DSCAML1: variants seen among roughly 807,000 people sequenced by gnomAD.
DSCAML1 encodes the protein cell adhesion molecule DSCAML1.
In DSCAML1, 38 loss-of-function variants were observed where a neutral mutation model predicts 200.5. The ratio of observed to expected loss-of-function variants is 0.19; its 90% confidence interval spans 0.15 to 0.25. DSCAML1 has a LOEUF of 0.25. Ranked by LOEUF, DSCAML1 falls within the 10% of genes least tolerant of loss-of-function variation. The probability of loss-of-function intolerance (pLI) is 1.00; values close to 1 mark genes in which losing one functional copy is unlikely to be tolerated. For missense variants in DSCAML1, 2,223 were observed against 2,858.8 expected, an observed-to-expected ratio of 0.78 and a Z score of 5.07; for synonymous variants, 1,215 against 1,165.0, an observed-to-expected ratio of 1.04 and a Z score of -0.87.
intron 3 of DSCAML1, among the ~76,000 whole-genome samples, chr11:117,692,682 A>C (rs1160092059): frequency 1.3e-5 from 2 of 152,150 alleles, no homozygotes; most frequent in East Asian, 3.9e-4. Flanking sequence ...CACCTCAATC[A>C]ATCTTTTCCC....
chr11:117,596,845 C>A (rs4938415), intron 3 of DSCAML1, among the ~76,000 whole-genome samples: 65,287 of 152,056 alleles, frequency 0.43, 16,109 homozygotes, highest in African/African-American at 0.68. Context: ...AAACCTGGAC[C>A]CCCAGTCTCT....
intron 1 of DSCAML1, among the ~76,000 whole-genome samples, chr11:117,804,265 T>G (rs568033152): frequency 6.6e-6 from 1 of 152,340 alleles, no homozygotes; most frequent in Non-Finnish European, 1.5e-5. Flanking sequence ...GAGGGGGCAG[T>G]GCCTTAGAGC....
At chr11:117,441,725 T>G (rs2048053605) in intron 21 of DSCAML1, among the ~76,000 whole-genome samples, 3 of 150,500 alleles carry the variant, frequency 2.0e-5, no homozygotes, top group African/African-American at 4.9e-5. Context: ...GGCGTGGGGG[T>G]GGGCTCCTGT....
intron 3 of DSCAML1, among the ~76,000 whole-genome samples, chr11:117,667,775 CT>C (rs954276409): frequency 6.6e-6 from 1 of 152,198 alleles, no homozygotes; most frequent in African/African-American, 2.4e-5. Context: ...TGGCAGCATC[CT>C]TACTCCCAAG....
chr11:117,530,652 C>G (rs983700818), intron 4 of DSCAML1, among the ~76,000 whole-genome samples: 1 of 152,150 alleles, frequency 6.6e-6, no homozygotes, highest in Admixed American at 6.5e-5. Context: ...CCTCCCAGCT[C>G]CTGATCTCCT....
chr11:117,612,318 C>A (rs1057204868), intron 3 of DSCAML1, among the ~76,000 whole-genome samples: 2 of 152,176 alleles, frequency 1.3e-5, no homozygotes, highest in Non-Finnish European at 2.9e-5. Flanking sequence ...ACGCCGGAAC[C>A]CAGGCAACAT....
chr11:117,678,165 C>T (rs1381496645), intron 3 of DSCAML1, among the ~76,000 whole-genome samples: 6 of 152,196 alleles, frequency 3.9e-5, no homozygotes, highest in Non-Finnish European at 8.8e-5. Flanking sequence ...GACCCTTTCA[C>T]CCTCTTCCTC....
chr11:117,558,997 A>G (rs986633607), intron 3 of DSCAML1, among the ~76,000 whole-genome samples: 5 of 152,088 alleles, frequency 3.3e-5, no homozygotes, highest in African/African-American at 1.2e-4. Flanking sequence ...TCTCTTTCCA[A>G]CTTTTGGCTT....
intron 11 of DSCAML1, among the ~76,000 whole-genome samples, chr11:117,484,892 TGTGTG>T (rs2049009198): frequency 7.3e-5 from 2 of 27,274 alleles, no homozygotes; most frequent in Non-Finnish European, 6.4e-5. Flanking sequence ...GAACAGTGTG[TGTGTG>T]TGTGTGTGTG....
chr11:117,597,911 GAAAAAAAGA>G (rs913653106), intron 3 of DSCAML1, among the ~76,000 whole-genome samples: 1 of 91,240 alleles, frequency 1.1e-5, no homozygotes, highest in African/African-American at 5.8e-5. Flanking sequence ...TTTACTTAAA[GAAAAAAAGA>G]AAAAAAAAAG....
At chr11:117,737,560 C>T (rs2054340764) in intron 3 of DSCAML1, among the ~76,000 whole-genome samples, 1 of 152,186 alleles carries the variant, frequency 6.6e-6, no homozygotes, top group Non-Finnish European at 1.5e-5. Flanking sequence ...CATGCTGCCC[C>T]AGGTGGCCAT....
chr11:117,566,667 T>C (rs2050763153), intron 3 of DSCAML1, among the ~76,000 whole-genome samples: 2 of 151,536 alleles, frequency 1.3e-5, no homozygotes, highest in Non-Finnish European at 2.9e-5. Context: ...CATGCTGGTG[T>C]GCTGCACCCA....
intron 3 of DSCAML1, among the ~76,000 whole-genome samples, chr11:117,715,458 T>C (rs1371198059): frequency 1.3e-5 from 2 of 152,212 alleles, no homozygotes; most frequent in East Asian, 3.8e-4. Flanking sequence ...CATTCTCTTT[T>C]ACAACAGAAA....
At chr11:117,499,760 G>A (rs2049360427) in intron 11 of DSCAML1, among the ~76,000 whole-genome samples, 1 of 152,176 alleles carries the variant, frequency 6.6e-6, no homozygotes, top group Admixed American at 6.5e-5. Flanking sequence ...GGAGGAGTGG[G>A]GACCACTTGG....
intron 3 of DSCAML1, among the ~76,000 whole-genome samples, chr11:117,723,322 T>C (rs10750109): frequency 0.98 from 149,332 of 152,314 alleles, 73,286 homozygotes; most frequent in Middle Eastern, 1. Context: ...AGATATGTTC[T>C]TCCAGTTTTG....
intron 11 of DSCAML1, among the ~76,000 whole-genome samples, chr11:117,482,562 T>G (rs2077603637): frequency 6.6e-6 from 1 of 152,216 alleles, no homozygotes; most frequent in Admixed American, 6.5e-5. Flanking sequence ...TAAGATCCAG[T>G]GGTAGCTCGT....
At chr11:117,608,168 T>C (rs866620937) in intron 3 of DSCAML1, among the ~76,000 whole-genome samples, 6 of 152,120 alleles carry the variant, frequency 3.9e-5, no homozygotes, top group South Asian at 2.1e-4. Flanking sequence ...CGGGGGGATA[T>C]AGAGATGAAC....
intron 3 of DSCAML1, among the ~76,000 whole-genome samples, chr11:117,653,288 A>G (rs1729433557): frequency 6.6e-6 from 1 of 152,168 alleles, no homozygotes; most frequent in African/African-American, 2.4e-5. Flanking sequence ...CCAGCCATGA[A>G]GTGGATCCAG....
chr11:117,516,110 TC>T lies in DSCAML1; in HGVS notation c.1783+356del. ...GCCTCCTTGTGTGGGCCCGCTGAGCTCCTGGGGGCTCCATCCCAACAGCAGA... is the reference window on the plus strand; with the variant it reads ...GCCTCCTTGTGTGGGCCCGCTGAGCTCTGGGGGCTCCATCCCAACAGCAGA... On this transcript the variant is annotated intron_variant, in intron 8 of 32. Transcript: ENST00000651296. This position sits in a 1 kb window ranked among gnomAD's most constrained non-coding sequence, Gnocchi z 5.7. 6.6e-6 allele frequency among the ~76,000 whole-genome samples: 1 copy of T among 152,210 alleles called. No individual in the cohort carries two copies. The highest frequency in any genetic ancestry group is 2.1e-4 in the South Asian group (1 of 4,826).
Sources: gnomAD v4.1 joint callset for allele counts (sites outside exome capture counted in the v4.1 genomes callset) on GRCh38, gnomAD v4.1.1 for gene constraint, Gnocchi (gnomAD v3.1) non-coding constraint, MANE v1.5 for transcripts, NCBI Gene and HGNC (gene_info 2026-07-23, HGNC 2026-07-21) for gene names.